The following C5 variants were observed in gnomAD, a reference collection of about 807,000 sequenced individuals.
C5 encodes complement C5.
In C5, 140 loss-of-function variants were observed where a neutral mutation model predicts 218.8. The observed-to-expected ratio is 0.64, with a 90% CI of 0.56 to 0.74. The LOEUF (loss-of-function observed/expected upper bound fraction) is 0.74. Among genes scored for constraint, C5 ranks in the 30% least tolerant of loss-of-function variants. The pLI, the probability that C5 is intolerant of heterozygous loss-of-function variation, is 0.00. For missense variants in C5, 1,700 were observed against 1,969.6 expected (o/e 0.86, Z 2.59); for synonymous variants, 614 against 682.3 (o/e 0.90, Z 1.56).
chr9:121,014,074 A>T lies in C5; in HGVS notation c.2060-4T>A. On this transcript the variant is annotated splice_polypyrimidine_tract_variant and splice_region_variant and intron_variant, in intron 16 of 40. Coordinates refer to ENST00000223642, the MANE Select transcript of C5 (RefSeq NM_001735.3). ...ACTGAATGTTTATATTTAGCAGCTGAAATGGTAATAATGCAAGTGCTCTTG... is the reference window on the plus strand; with the variant it reads ...ACTGAATGTTTATATTTAGCAGCTGTAATGGTAATAATGCAAGTGCTCTTG... The T allele has an allele frequency of 6.2e-7, 1 of 1,612,918 alleles. No homozygotes were observed. Among genetic ancestry groups the T allele is most frequent in the Non-Finnish European group, 8.5e-7 (1 of 1,178,932 alleles).
chr9:120,960,002 A>G (rs1401908581), intron 38 of C5, among the ~76,000 whole-genome samples: 2 of 152,076 alleles, frequency 1.3e-5, no homozygotes, highest in Non-Finnish European at 2.9e-5. Flanking sequence ...AAAAAGCTCT[A>G]TTGTGGGAAA....
chr9:120,987,645 AAAAAAG>A lies in C5; in HGVS notation c.3230+1395_3230+1400del, dbSNP rs1587962135. 2.7e-5 allele frequency among the ~76,000 whole-genome samples: 4 copies of A among 148,836 alleles called. No homozygotes were observed. The South Asian group carries it at 6.3e-4, about 23-fold the overall frequency. On this transcript the variant is annotated intron_variant, in intron 25 of 40. Coordinates refer to ENST00000223642, the MANE Select transcript of C5 (RefSeq NM_001735.3). ...GAGCAAGACTCCGTCTCAAAAAAAA[AAAAAAG>A]AAAAAAGAAAAAAGAAAAAAATCTA...
intron 33 of C5, 99 bp from the exon 34 acceptor site, chr9:120,963,837 G>A: frequency 1.1e-6 from 1 of 890,236 alleles, no homozygotes; most frequent in Non-Finnish European, 1.8e-6. Context: ...TTAAATTTGG[G>A]TCTCCATTTA....
chr9:121,022,297 C>A (rs947093245), intron 10 of C5, among the ~76,000 whole-genome samples: 1 of 89,156 alleles, frequency 1.1e-5, no homozygotes, highest in Non-Finnish European at 2.4e-5. Context: ...CCTCTCACTG[C>A]CATATATATA....
chr9:121,043,242 G>A (rs2047596660), intron 2 of C5, 76 bp from the exon 3 acceptor site: 3 of 1,139,856 alleles, frequency 2.6e-6, no homozygotes, highest in Non-Finnish European at 3.9e-6. Context: ...AAATACAACT[G>A]TAATCTCATT....
At position 121,005,977 on chromosome 9, in the gene C5, CGTACAACAGAATATG is replaced by C; in HGVS notation, c.2489_2503del (p.Pro830_Val834del). 6.2e-7 allele frequency: 1 copy of C among 1,613,124 alleles called. No homozygotes were observed. Among genetic ancestry groups the C allele is most frequent in the South Asian group, 1.1e-5 (1 of 91,056 alleles). On this transcript the variant is annotated inframe_deletion, in exon 20 of 41. Transcript: ENST00000223642. Reference sequence around the variant, plus strand: ...TCCTTTCAATTGGATCTGTTCTCCTCGTACAACAGAATATGGTATATTCATTTCCAGGAAGACATC... The same window carrying C: ...TCCTTTCAATTGGATCTGTTCTCCTCGTATATTCATTTCCAGGAAGACATC...
rs1179400579 is a variant in C5, at chr9:120,976,735, C to G, written c.3829G>C (p.Glu1277Gln). The G allele has an allele frequency of 1.9e-6, 3 of 1,614,020 alleles. No homozygotes were observed. The African/African-American group carries it at 4.0e-5, about 22-fold the overall frequency. The change falls in exon 29 of 41, where the codon GAG becomes CAG. Residue 1277 changes from glutamate to glutamine, a missense_variant. Physicochemically the swap from Glu to Gln is conservative, Grantham distance 29. Coordinates refer to ENST00000223642, the MANE Select transcript of C5 (RefSeq NM_001735.3). ...TAAAAGCCACCTCCATACCTCTGCTCTTCTGATAGCCATTTGATGACTGGG... is the reference window on the plus strand; with the variant it reads ...TAAAAGCCACCTCCATACCTCTGCTGTTCTGATAGCCATTTGATGACTGGG... ...VNPVIKWLSE[E>Q]QRYGGGFYST...
At chr9:121,035,236 C>T (rs1380138103) in intron 4 of C5, among the ~76,000 whole-genome samples, 1 of 152,130 alleles carries the variant, frequency 6.6e-6, no homozygotes, top group Non-Finnish European at 1.5e-5. Context: ...TTTTGATAAA[C>T]TAAATGTGAA....
chr9:120,952,951 T>C, intron 40 of C5, 83 bp from the exon 41 acceptor site: 1 of 1,472,986 alleles, frequency 6.8e-7, no homozygotes, highest in Non-Finnish European at 9.3e-7. Context: ...TGAGACGGAG[T>C]CTTGCTCAGT....
chr9:121,023,878 T>A (rs1184537602), intron 9 of C5, among the ~76,000 whole-genome samples: 3 of 150,990 alleles, frequency 2.0e-5, no homozygotes, highest in African/African-American at 7.3e-5. Flanking sequence ...GAGGGAAGGG[T>A]CAGGCCAGAA....
At chr9:120,974,559 A>G (rs571985240) in intron 30 of C5, among the ~76,000 whole-genome samples, 2 of 152,236 alleles carry the variant, frequency 1.3e-5, no homozygotes, top group Admixed American at 6.5e-5. Context: ...ATTTTTCACT[A>G]TCTGCTTAAA....
At chr9:121,001,514 T>C (rs983482401) in intron 20 of C5, among the ~76,000 whole-genome samples, 3 of 152,180 alleles carry the variant, frequency 2.0e-5, no homozygotes, top group Non-Finnish European at 4.4e-5. Flanking sequence ...AAACAATATA[T>C]AGCGCGGTCT....
chr9:120,991,391 TTAGAC>T (rs2047076364), intron 22 of C5, 111 bp from the exon 23 acceptor site: 14 of 700,242 alleles, frequency 2.0e-5, no homozygotes, highest in Non-Finnish European at 3.5e-5. Context: ...AGACTTATAA[TTAGAC>T]TATTAAAATT....
Position 121,043,084 on chromosome 9 carries a change from G to T in C5, c.341C>A (p.Ser114Ter). ...GTCATAGGTTATTGGCATTCTTTTT[G>T]ATTTTGAAAAATGCTTTGATACAAC... is the stretch of plus-strand genomic sequence containing the variant. ...LEVVSKHFSK[S>*]KRMPITYDNG... is the part of the protein sequence containing the mutation. The change falls in exon 3 of 41, where the codon TCA becomes TAA. Residue 114 changes from serine (S) to a stop codon, truncating the protein, a stop_gained. Coordinates refer to ENST00000223642, the MANE Select transcript of C5 (RefSeq NM_001735.3). LOFTEE classifies it high-confidence loss of function. 1 of 1,612,652 alleles carries T rather than the reference G, an allele frequency of 6.2e-7. No homozygotes were observed. The highest frequency in any genetic ancestry group is 1.1e-5 in the South Asian group (1 of 91,000).
At chr9:121,054,361 A>T (rs2047687934), upstream of C5, among the ~76,000 whole-genome samples, 1 of 152,192 alleles carries the variant, frequency 6.6e-6, no homozygotes, top group African/African-American at 2.4e-5. Context: ...GCACTTTGGG[A>T]GGCTGAGGCA....
chr9:121,027,802 A>C (rs1446342971), intron 7 of C5, among the ~76,000 whole-genome samples: 1 of 152,228 alleles, frequency 6.6e-6, no homozygotes, highest in Non-Finnish European at 1.5e-5. Flanking sequence ...TTCATGACTA[A>C]AACACCAAAA....
chr9:121,047,280 G>C (rs2047635792), intron 1 of C5, among the ~76,000 whole-genome samples: 1 of 152,132 alleles, frequency 6.6e-6, no homozygotes, highest in Non-Finnish European at 1.5e-5. Context: ...GTTGTTATGT[G>C]TACAGTTGAG....
the C5 span, among the ~76,000 whole-genome samples, chr9:121,063,240 GAT>G: frequency 6.6e-6 from 1 of 150,648 alleles, no homozygotes; most frequent in South Asian, 2.1e-4. Flanking sequence ...CCTCAGACTG[GAT>G]AATCTCAATT....
At chr9:120,981,070 G>A (rs2046989442) in intron 27 of C5, among the ~76,000 whole-genome samples, 1 of 152,210 alleles carries the variant, frequency 6.6e-6, no homozygotes, top group Non-Finnish European at 1.5e-5. Context: ...CCGATCACTA[G>A]TCCTGACGCC....
Sources: allele counts gnomAD v4.1 joint callset (sites outside exome capture counted in the v4.1 genomes callset), GRCh38; gene constraint gnomAD v4.1.1; transcripts MANE v1.5; gene names NCBI Gene and HGNC (gene_info 2026-07-23, HGNC 2026-07-21).